PRKG2: variants seen among roughly 807,000 people sequenced by gnomAD.
The protein encoded by PRKG2 is protein kinase cGMP-dependent 2.
PRKG2 carries 33 observed loss-of-function variants against 97.2 expected under a neutral mutation model. The observed-to-expected ratio is 0.34, with a 90% CI of 0.26 to 0.45. The LOEUF (loss-of-function observed/expected upper bound fraction) is 0.45. Among genes scored for constraint, PRKG2 ranks in the 20% least tolerant of loss-of-function variants. PRKG2 has a pLI of 1.00. For synonymous variants in PRKG2, 330 were observed against 321.8 expected (o/e 1.03, Z -0.27); for missense variants, 638 against 900.0 (o/e 0.71, Z 3.73).
At chr4:81,212,171 C>A (rs1754012071) in intron 1 of PRKG2, among the ~76,000 whole-genome samples, 1 of 152,122 alleles carries the variant, frequency 6.6e-6, no homozygotes, top group African/African-American at 2.4e-5. Context: ...TGCTTGTTTT[C>A]TCTGTCCACA....
At chr4:81,186,970 G>A (rs1751937188) in intron 2 of PRKG2, among the ~76,000 whole-genome samples, 1 of 150,746 alleles carries the variant, frequency 6.6e-6, no homozygotes, top group South Asian at 2.1e-4. Flanking sequence ...TTCAGAAATT[G>A]AGGCAGTAAT....
intron 14 of PRKG2, among the ~76,000 whole-genome samples, chr4:81,134,839 G>A (rs939584075): frequency 6.6e-6 from 1 of 151,972 alleles, no homozygotes; most frequent in African/African-American, 2.4e-5. Flanking sequence ...CACTCCCTAT[G>A]TATAGCAAGA....
chr4:81,119,520 G>C (rs962156352), intron 14 of PRKG2, among the ~76,000 whole-genome samples: 3 of 152,010 alleles, frequency 2.0e-5, no homozygotes, highest in Non-Finnish European at 2.9e-5. Flanking sequence ...TAGCTTTATA[G>C]TATGTCTTGA....
intron 3 of PRKG2, among the ~76,000 whole-genome samples, chr4:81,173,499 C>T (rs1750666057): frequency 6.6e-6 from 1 of 152,054 alleles, no homozygotes; most frequent in Admixed American, 6.6e-5. Context: ...GTTGCTAAAG[C>T]AGAAGTTAAA....
At chr4:81,171,864 T>A in intron 3 of PRKG2, 60 bp from the exon 4 acceptor site, 1 of 1,142,450 alleles carries the variant, frequency 8.8e-7, no homozygotes, top group East Asian at 2.4e-5. Flanking sequence ...GTAGATACTA[T>A]AAATTAGTAA....
intron 2 of PRKG2, among the ~76,000 whole-genome samples, chr4:81,199,892 C>T (rs1753195228): frequency 6.6e-6 from 1 of 152,132 alleles, no homozygotes; most frequent in Non-Finnish European, 1.5e-5. Context: ...AATGAATTGT[C>T]CTTCCTAAAA....
intron 14 of PRKG2, among the ~76,000 whole-genome samples, chr4:81,124,651 A>G (rs1256440122): frequency 2.6e-5 from 4 of 152,152 alleles, no homozygotes; most frequent in Admixed American, 1.3e-4. Context: ...CTTGCAGCAC[A>G]TGAGGGAGTC....
intron 1 of PRKG2, among the ~76,000 whole-genome samples, chr4:81,213,685 G>A (rs1754123055): frequency 6.6e-6 from 1 of 152,158 alleles, no homozygotes; most frequent in Non-Finnish European, 1.5e-5. Flanking sequence ...TATGAAAAAC[G>A]AAAACATGGG....
chr4:81,208,107 G>C (rs1033016179), intron 1 of PRKG2, among the ~76,000 whole-genome samples: 4 of 152,114 alleles, frequency 2.6e-5, no homozygotes, highest in Admixed American at 6.6e-5. Flanking sequence ...ATAGAGTCAG[G>C]CCAATTAGGG....
At chr4:81,126,721 T>TG (rs878879984) in intron 14 of PRKG2, among the ~76,000 whole-genome samples, 1 of 150,122 alleles carries the variant, frequency 6.7e-6, no homozygotes, top group Admixed American at 6.6e-5. Flanking sequence ...TTTTGATGGT[T>TG]TTTTTTTCTT....
chr4:81,202,650 A>C (rs1209622921), intron 2 of PRKG2, among the ~76,000 whole-genome samples: 1 of 152,132 alleles, frequency 6.6e-6, no homozygotes, highest in Non-Finnish European at 1.5e-5. Flanking sequence ...TTCAGGAGAT[A>C]CAATATCCTT....
chr4:81,132,715 A>G (rs539163050), intron 14 of PRKG2, among the ~76,000 whole-genome samples: 5 of 152,302 alleles, frequency 3.3e-5, no homozygotes, highest in African/African-American at 9.6e-5. Flanking sequence ...GCCATTAATG[A>G]CAGCTTTCAT....
Position 81,204,832 on chromosome 4 carries a change from G to A in PRKG2, c.216C>T (p.Leu72=), listed in dbSNP as rs1193586912. The A allele has an allele frequency of 6.2e-7, 1 of 1,614,156 alleles. No homozygotes were observed. The highest frequency in any genetic ancestry group is 1.1e-5 in the South Asian group (1 of 91,084). The change falls in exon 2 of 19, where the codon CTC becomes CTT. Residue 72 remains leucine (L), a synonymous_variant. Coordinates refer to ENST00000264399, the MANE Select transcript of PRKG2 (RefSeq NM_006259.3). The stretch of plus-strand genomic sequence containing the variant: ...TGTTCAGCTGGATGCACTTGTTCTG[G>A]AGCTCCTCTGTGAGTTCAGCAATGG... ...TVAIAELTEE[L]QNKCIQLNKL...
intron 1 of PRKG2, among the ~76,000 whole-genome samples, chr4:81,209,158 C>T (rs1034552051): frequency 6.6e-6 from 1 of 152,056 alleles, no homozygotes; most frequent in African/African-American, 2.4e-5. Context: ...TGCTGTCCAC[C>T]AAGGGTAATT....
At chr4:81,217,418 C>A (rs1348309387), upstream of PRKG2, among the ~76,000 whole-genome samples, 1 of 152,136 alleles carries the variant, frequency 6.6e-6, no homozygotes, top group Non-Finnish European at 1.5e-5. Flanking sequence ...GAGGGGGAAC[C>A]TAAGTTCCCT....
upstream of PRKG2, among the ~76,000 whole-genome samples, chr4:81,216,227 T>C (rs1393166606): frequency 1.3e-5 from 2 of 152,152 alleles, no homozygotes; most frequent in Non-Finnish European, 2.9e-5. Flanking sequence ...ATGTAAAATA[T>C]GTTGAATGAG....
intron 2 of PRKG2, among the ~76,000 whole-genome samples, chr4:81,190,632 T>A (rs1290359116): frequency 6.6e-6 from 1 of 151,994 alleles, no homozygotes; most frequent in African/African-American, 2.4e-5. Context: ...AAAGAAAATG[T>A]CATCAGAATG....
At chr4:81,155,000 C>T (rs958455397) in intron 6 of PRKG2, among the ~76,000 whole-genome samples, 1 of 151,836 alleles carries the variant, frequency 6.6e-6, no homozygotes, top group East Asian at 1.9e-4. Flanking sequence ...CGGTGAAACC[C>T]CGTCTCTACT....
chr4:81,157,343 A>T (rs1749194253), intron 6 of PRKG2, among the ~76,000 whole-genome samples: 1 of 152,214 alleles, frequency 6.6e-6, no homozygotes, highest in Admixed American at 6.5e-5. Flanking sequence ...AAATGGATAA[A>T]TTCCTCAATA....
Sources: allele counts gnomAD v4.1 joint callset (sites outside exome capture counted in the v4.1 genomes callset), GRCh38; gene constraint gnomAD v4.1.1; transcripts MANE v1.5; gene names NCBI Gene and HGNC (gene_info 2026-07-23, HGNC 2026-07-21).